The following ACSM1 variants were observed in gnomAD, a reference collection of about 807,000 sequenced individuals.
ACSM1 encodes acyl-CoA synthetase medium chain family member 1.
A neutral mutation model predicts 75.8 loss-of-function variants in ACSM1; 79 were observed. The ratio of observed to expected loss-of-function variants is 1.04; its 90% CI spans 0.87 to 1.26. ACSM1 has a LOEUF of 1.26. Among genes scored for constraint, ACSM1 ranks in the 50% most tolerant of loss-of-function variants. ACSM1 has a pLI of 0.00. For synonymous variants in ACSM1, 279 were observed against 265.8 expected (o/e 1.05, Z -0.48); for missense variants, 676 against 720.1 (o/e 0.94, Z 0.70).
rs1418202049 is a variant in ACSM1, at chr16:20,661,835, T to C, written c.951A>G (p.Val317=). 6.2e-7 allele frequency: 1 copy of C among 1,610,820 alleles called. No homozygotes were observed. The highest frequency in any genetic ancestry group is 1.3e-5 in the African/African-American group (1 of 74,942). The change falls in exon 7 of 14, where the codon GTA becomes GTG. Residue 317 remains valine (V), a synonymous_variant. Coordinates refer to ENST00000520010, the MANE Select transcript of ACSM1 (RefSeq NM_001318890.3). ...LKYPINHFWG[V]SSIYRMILQQ... ...GCAGAATCATTCGATATATAGATGA[T>C]ACCCCCCAAAAGTGGTTAATGGGGT...
chr16:20,678,558 C>T (rs542635112), intron 4 of ACSM1, among the ~76,000 whole-genome samples: 7 of 152,236 alleles, frequency 4.6e-5, no homozygotes, highest in African/African-American at 1.7e-4. Flanking sequence ...TAAGTCAAGG[C>T]CTTCCTCACC....
At chr16:20,632,189 A>T (rs1333699701) in intron 10 of ACSM1, among the ~76,000 whole-genome samples, 1 of 152,228 alleles carries the variant, frequency 6.6e-6, no homozygotes, top group Non-Finnish European at 1.5e-5. Context: ...CAGAATAAGA[A>T]GAGCAAACTA....
chr16:20,656,094 T>C (rs969943512), intron 7 of ACSM1, among the ~76,000 whole-genome samples: 14 of 152,208 alleles, frequency 9.2e-5, no homozygotes, highest in African/African-American at 3.4e-4. Flanking sequence ...CACCTTTTGT[T>C]GGCTCCTGTA....
intron 7 of ACSM1, among the ~76,000 whole-genome samples, chr16:20,660,156 C>T (rs1173319555): frequency 6.6e-6 from 1 of 152,292 alleles, no homozygotes; most frequent in South Asian, 2.1e-4. Flanking sequence ...TTTTCATCAA[C>T]AGTAGTAGTT....
chr16:20,639,926 T>TA (rs1276651428), intron 8 of ACSM1, among the ~76,000 whole-genome samples: 7 of 152,046 alleles, frequency 4.6e-5, no homozygotes, highest in South Asian at 2.1e-4. Context: ...GCTAAAAAGA[T>TA]AAAAAACAAA....
In ACSM1 at chr16:20,640,582, A is replaced by G. The variant is rs759838963; in HGVS notation, c.995T>C (p.Ile332Thr). 1 of 1,614,102 alleles carries G rather than the reference A, an allele frequency of 6.2e-7. No individual in the cohort carries two copies. Among genetic ancestry groups the G allele is most frequent in the Non-Finnish European group, 8.5e-7 (1 of 1,179,958 alleles). ...RMILQQDFTS[I>T]RFPALEHCYT... ...GCAGTGCTCCAGGGCAGGGAACCTGATGCTTAGAGGAAGACAAGGTGCCAG... is the reference window on the plus strand; with the variant it reads ...GCAGTGCTCCAGGGCAGGGAACCTGGTGCTTAGAGGAAGACAAGGTGCCAG... The change falls in exon 8 of 14, where the codon ATC (isoleucine) becomes ACC (threonine). Residue 332 changes from isoleucine to threonine, a missense_variant and splice_region_variant. Transcript: ENST00000520010.
chr16:20,689,214 T>A (rs2079609267), intron 2 of ACSM1, among the ~76,000 whole-genome samples: 1 of 151,912 alleles, frequency 6.6e-6, no homozygotes, highest in Non-Finnish European at 1.5e-5. Flanking sequence ...TGATTAAAAT[T>A]AAGTTGTTAT....
At chr16:20,628,551 T>G (rs898482556) in intron 10 of ACSM1, among the ~76,000 whole-genome samples, 1 of 148,050 alleles carries the variant, frequency 6.8e-6, no homozygotes, top group Non-Finnish European at 1.5e-5. Flanking sequence ...TTTGGGACTG[T>G]TTTTTTTTTT....
chr16:20,634,071 T>C (rs2017508706), intron 10 of ACSM1, among the ~76,000 whole-genome samples: 1 of 152,090 alleles, frequency 6.6e-6, no homozygotes, highest in Non-Finnish European at 1.5e-5. Flanking sequence ...TGGAAGAAAC[T>C]CTCCCATATA....
chr16:20,642,794 C>T (rs770322592), intron 7 of ACSM1, among the ~76,000 whole-genome samples: 3 of 152,148 alleles, frequency 2.0e-5, no homozygotes, highest in African/African-American at 4.8e-5. Context: ...ATGGGGGCAA[C>T]AAGTAAAAAT....
At chr16:20,635,115 C>G (rs1405556890) in intron 10 of ACSM1, among the ~76,000 whole-genome samples, 2 of 152,022 alleles carry the variant, frequency 1.3e-5, no homozygotes, top group Non-Finnish European at 2.9e-5. Flanking sequence ...AAAAAATTAG[C>G]TGGGTGCAAT....
intron 7 of ACSM1, among the ~76,000 whole-genome samples, chr16:20,649,671 CA>C (rs1249276080): frequency 6.6e-6 from 1 of 152,162 alleles, no homozygotes; most frequent in Non-Finnish European, 1.5e-5. Context: ...TAAACTTAAC[CA>C]ATTGTCAATG....
chr16:20,655,912 C>T (rs945874850), intron 7 of ACSM1, among the ~76,000 whole-genome samples: 3 of 152,200 alleles, frequency 2.0e-5, no homozygotes, highest in African/African-American at 7.2e-5. Context: ...CCGCACACCT[C>T]AGCCTCCCAA....
In ACSM1 at chr16:20,623,653, C is replaced by T. The variant is rs1023381642; in HGVS notation, c.1648-81G>A. The T allele has an allele frequency of 7.4e-6, 10 of 1,349,616 alleles. No homozygotes were observed. In the African/African-American group the frequency reaches 1.0e-4, roughly 14 times the overall value. 83.6% of individuals were successfully genotyped at this position (1,349,616 alleles called of 1,614,324 possible). A position where few individuals can be genotyped will look rare whatever the true frequency, so the allele number is the denominator to read the frequency against. On this transcript the variant is annotated intron_variant, in intron 13 of 13. Transcript: ENST00000520010. ...AATTCTCCACTCTCCTCCTCTGCCC[C>T]TCCACAGTCTCCCATGCAGGCTGAC...
chr16:20,649,455 T>G (rs1271796214), intron 7 of ACSM1, among the ~76,000 whole-genome samples: 1 of 152,200 alleles, frequency 6.6e-6, no homozygotes, highest in East Asian at 1.9e-4. Context: ...CTTTCCCATT[T>G]GTTTTCCTTC....
intron 7 of ACSM1, among the ~76,000 whole-genome samples, chr16:20,640,815 A>T (rs2018011615): frequency 6.6e-6 from 1 of 152,186 alleles, no homozygotes; most frequent in South Asian, 2.1e-4. Flanking sequence ...ATTGTGTTCA[A>T]TTGGGAATGT....
chr16:20,625,297 C>T (rs1022972481), intron 12 of ACSM1, 126 bp downstream of exon 12: 1 of 849,672 alleles, frequency 1.2e-6, no homozygotes, highest in Non-Finnish European at 1.8e-6. Context: ...TGGTGCCATA[C>T]CGTGTAAACG....
intron 1 of ACSM1, among the ~76,000 whole-genome samples, chr16:20,696,957 G>A (rs183520928): frequency 6.6e-6 from 1 of 152,286 alleles, no homozygotes; most frequent in African/African-American, 2.4e-5. Context: ...CTTCTTCCCA[G>A]CTCCCCATAA....
In ACSM1 at chr16:20,691,056, C is replaced by T; in HGVS notation, c.133G>A (p.Val45Ile). 6.2e-7 allele frequency: 1 copy of T among 1,613,700 alleles called. No individual in the cohort carries two copies. The highest frequency in any genetic ancestry group is 8.5e-7 in the Non-Finnish European group (1 of 1,179,840). Residue 45 changes from valine to isoleucine, a missense_variant, in exon 2 of 14, where the codon GTA becomes ATA. By Grantham distance (29) the Val-to-Ile change is conservative. Coordinates refer to ENST00000520010, the MANE Select transcript of ACSM1 (RefSeq NM_001318890.3). ...FGAPRWNDYE[V>I]PEEFNFASYV... ...CTTGCAAAGTTAAATTCCTCCGGTACTTCATAGTCATTCCATCTTGGGGCT... is the reference window on the plus strand; with the variant it reads ...CTTGCAAAGTTAAATTCCTCCGGTATTTCATAGTCATTCCATCTTGGGGCT...
Sources: gnomAD v4.1 joint callset for allele counts (sites outside exome capture counted in the v4.1 genomes callset) on GRCh38, gnomAD v4.1.1 for gene constraint, MANE v1.5 for transcripts, NCBI Gene and HGNC (gene_info 2026-07-23, HGNC 2026-07-21) for gene names.